SLC4A4: variants seen among roughly 807,000 people sequenced by gnomAD.
SLC4A4 encodes the protein electrogenic sodium bicarbonate cotransporter 1.
Under a neutral mutation model 111.5 loss-of-function variants are expected in SLC4A4, and 27 were observed. The observed-to-expected ratio is 0.24, with a 90% CI of 0.18 to 0.33. SLC4A4 has a LOEUF of 0.33. Ranked by LOEUF, SLC4A4 falls within the 10% of genes least tolerant of loss-of-function variation. SLC4A4 has a pLI of 1.00. For missense variants in SLC4A4, 909 were observed against 1,315.5 expected (o/e 0.69, Z 4.78); for synonymous variants, 443 against 463.4 (o/e 0.96, Z 0.57).
Position 71,277,482 on chromosome 4 carries a change from GCTTCC to G in SLC4A4, c.253+22099_253+22103del, listed in dbSNP as rs574074958. On this transcript the variant is annotated intron_variant, in intron 3 of 25. Coordinates refer to ENST00000264485, the MANE Select transcript of SLC4A4 (RefSeq NM_001098484.3). Reference sequence around the variant, plus strand: ...CTTGTGCCCATTTCCTACTGGCTTGGCTTCCCTTCCCTTCCCTTCCTTTTCCTTCC... The same window carrying G: ...CTTGTGCCCATTTCCTACTGGCTTGGCTTCCCTTCCCTTCCTTTTCCTTCC... Among the ~76,000 whole-genome samples, 357 of 151,252 alleles carry G rather than the reference GCTTCC, an allele frequency of 2.4e-3. 2 individuals carry two copies. Among genetic ancestry groups the G allele is most frequent in the African/African-American group, 8.3e-3 (341 of 41,132 alleles).
chr4:71,150,353 C>T (rs1373304633), intron 2 of SLC4A4, among the ~76,000 whole-genome samples: 1 of 152,052 alleles, frequency 6.6e-6, no homozygotes, highest in Non-Finnish European at 1.5e-5. Context: ...AACAGATGCC[C>T]TTCTCATAAA....
chr4:71,166,325 A>G (rs1339431789), intron 2 of SLC4A4, among the ~76,000 whole-genome samples: 1 of 152,242 alleles, frequency 6.6e-6, no homozygotes, highest in Non-Finnish European at 1.5e-5. Flanking sequence ...ATATACTTTT[A>G]AAGTTTAGTT....
intron 2 of SLC4A4, among the ~76,000 whole-genome samples, chr4:71,114,265 A>G (rs12331068): frequency 0.028 from 4,232 of 152,208 alleles, 78 homozygotes; most frequent in Middle Eastern, 0.058. Context: ...ACAAACAAAC[A>G]TAGGCATGGG....
chr4:71,456,347 A>G (rs1329348344), intron 12 of SLC4A4, among the ~76,000 whole-genome samples: 1 of 152,210 alleles, frequency 6.6e-6, no homozygotes, highest in African/African-American at 2.4e-5. Flanking sequence ...GAGGCATAGA[A>G]AATTAATGAC....
chr4:71,291,997 T>C (rs776461267), intron 3 of SLC4A4, among the ~76,000 whole-genome samples: 24 of 152,290 alleles, frequency 1.6e-4, no homozygotes, highest in Non-Finnish European at 3.5e-4. Context: ...TTATCCTTTC[T>C]TTGTGTTACA....
rs370656428 is a variant in SLC4A4 at position 71,406,697 on chromosome 4, A to G, written c.807+9044A>G. Among the ~76,000 whole-genome samples the G allele has an allele frequency of 2.0e-4, 29 of 141,920 alleles. 1 individual carries two copies. Among genetic ancestry groups the G allele is most frequent in the East Asian group, 1.8e-3 (9 of 4,908 alleles). 93.1% of individuals were successfully genotyped at this position (141,920 alleles called of 152,430 possible). On this transcript the variant is annotated intron_variant, in intron 7 of 25. Coordinates refer to ENST00000264485, the MANE Select transcript of SLC4A4 (RefSeq NM_001098484.3). ...TAAAAGGACAGCAGTAATGTTTTCTACAATCTGAAAGCCAGTGGTTAATCA... is the reference window on the plus strand; with the variant it reads ...TAAAAGGACAGCAGTAATGTTTTCTGCAATCTGAAAGCCAGTGGTTAATCA...
chr4:71,213,236 G>C (rs1718239726), intron 1 of SLC4A4, among the ~76,000 whole-genome samples: 1 of 152,210 alleles, frequency 6.6e-6, no homozygotes, highest in Non-Finnish European at 1.5e-5. Context: ...CCTGCATACA[G>C]GGTGTTGCTG....
chr4:71,155,451 A>G (rs1477546520), intron 2 of SLC4A4, among the ~76,000 whole-genome samples: 2 of 152,090 alleles, frequency 1.3e-5, no homozygotes, highest in African/African-American at 2.4e-5. Context: ...GCTCCATGTT[A>G]TGAAAATTTT....
chr4:71,546,696 AT>A lies in SLC4A4; in HGVS notation c.2621+175del, dbSNP rs572656793. 3.7e-3 allele frequency among the ~76,000 whole-genome samples: 567 copies of A among 152,034 alleles called. 4 individuals are homozygous for A. The highest frequency in any genetic ancestry group is 0.013 in the African/African-American group (544 of 41,524). ...TAAATTTTCATCAGAGGTTTCAGTG[AT>A]TTTTTTAGTTTACTCCTCATGATAT... On this transcript the variant is annotated intron_variant, in intron 19 of 25. Transcript: ENST00000264485.
intron 1 of SLC4A4, among the ~76,000 whole-genome samples, chr4:71,088,632 T>G (rs1475148032): frequency 6.6e-6 from 1 of 152,050 alleles, no homozygotes; most frequent in African/African-American, 2.4e-5. Flanking sequence ...TTTGCTTGTC[T>G]GTAAAGGATT....
rs111839669 is a variant in SLC4A4 at position 71,163,141 on chromosome 4, A to G, written c.-2+70349A>G. On this transcript the variant is annotated intron_variant, in intron 2 of 26. Transcript: ENST00000649996. ...ATTATTTGGTCACAGGGGTAGACAG[A>G]CCGTTAATACTTTTTATGAAGTTAA... 9.7e-3 allele frequency among the ~76,000 whole-genome samples: 1,480 copies of G among 152,306 alleles called. 29 individuals are homozygous for G. Among genetic ancestry groups the G allele is most frequent in the African/African-American group, 0.034 (1,403 of 41,570 alleles).
chr4:71,123,755 T>C (rs964026042), intron 2 of SLC4A4, among the ~76,000 whole-genome samples: 2 of 152,188 alleles, frequency 1.3e-5, no homozygotes. Flanking sequence ...AGTGCACCGT[T>C]TGAGGACTTT....
chr4:71,195,431 C>T (rs1704952877), intron 1 of SLC4A4, among the ~76,000 whole-genome samples: 1 of 151,674 alleles, frequency 6.6e-6, no homozygotes, highest in Non-Finnish European at 1.5e-5. Context: ...GCAAATGTGG[C>T]CAATTTAGGG....
rs544841043 is a variant in SLC4A4, at chr4:71,415,464, G to A, written c.807+17811G>A. ...TAGGAGCTTTTACCTATATCATGTTGTATATTATCATTAACCTTACTTTAC... is the reference window on the plus strand; with the variant it reads ...TAGGAGCTTTTACCTATATCATGTTATATATTATCATTAACCTTACTTTAC... On this transcript the variant is annotated intron_variant, in intron 7 of 25. Transcript: ENST00000264485. Among the ~76,000 whole-genome samples, 196 of 152,214 alleles carry A rather than the reference G, an allele frequency of 1.3e-3. 1 individual carries two copies. Among genetic ancestry groups the A allele is most frequent in the African/African-American group, 4.5e-3 (187 of 41,526 alleles).
intron 1 of SLC4A4, among the ~76,000 whole-genome samples, chr4:71,230,518 T>C (rs1719347227): frequency 6.6e-6 from 1 of 152,170 alleles, no homozygotes; most frequent in East Asian, 1.9e-4. Flanking sequence ...TCACCGGATG[T>C]CATAAACAGA....
At chr4:71,283,076 A>G (rs550482093) in intron 3 of SLC4A4, among the ~76,000 whole-genome samples, 3 of 152,306 alleles carry the variant, frequency 2.0e-5, no homozygotes, top group East Asian at 1.9e-4. Context: ...TCTGTCATGC[A>G]TTTCCAAAAA....
At chr4:71,263,087 C>T (rs1301837379) in intron 3 of SLC4A4, among the ~76,000 whole-genome samples, 2 of 145,392 alleles carry the variant, frequency 1.4e-5, no homozygotes, top group Non-Finnish European at 3.0e-5. Context: ...TTGTTCAATT[C>T]CCACCTATGA....
rs73828124 is a variant in SLC4A4, at chr4:71,383,072, T to G, written c.731-14505T>G. 9.0e-3 allele frequency among the ~76,000 whole-genome samples: 1,375 copies of G among 152,272 alleles called. 23 individuals are homozygous for G. The highest frequency in any genetic ancestry group is 0.029 in the African/African-American group (1,222 of 41,550). On this transcript the variant is annotated intron_variant, in intron 6 of 25. Transcript: ENST00000264485. The stretch of plus-strand genomic sequence containing the variant: ...AAGCATTCCCACAGCTTTTTTTGCA[T>G]GGTGATTCATATATTTTACCACTTG...
At chr4:71,548,571 C>T (rs915621442) in intron 20 of SLC4A4, among the ~76,000 whole-genome samples, 2 of 151,798 alleles carry the variant, frequency 1.3e-5, no homozygotes, top group East Asian at 1.9e-4. Flanking sequence ...ATGCTTTATA[C>T]TACAGTACAA....
Sources: gnomAD v4.1 joint callset for allele counts (sites outside exome capture counted in the v4.1 genomes callset) on GRCh38, gnomAD v4.1.1 for gene constraint, MANE v1.5 for transcripts, NCBI Gene and HGNC (gene_info 2026-07-23, HGNC 2026-07-21) for gene names.